The following SPNS2 variants were observed in gnomAD, a reference collection of about 807,000 sequenced individuals.
The protein encoded by SPNS2 is sphingosine-1-phosphate transporter SPNS2.
SPNS2 carries 37 observed loss-of-function variants against 57.6 expected under a neutral mutation model. The ratio of observed to expected loss-of-function variants is 0.64; its 90% confidence interval spans 0.49 to 0.85. SPNS2 has a LOEUF of 0.85. Among genes scored for constraint, SPNS2 ranks in the 40% least tolerant of loss-of-function variants. The pLI, the probability that SPNS2 is intolerant of heterozygous loss-of-function variation, is 0.00. For missense variants in SPNS2, 831 were observed against 779.1 expected (o/e 1.07, Z -0.79); for synonymous variants, 440 against 346.9 (o/e 1.27, Z -2.98).
rs148169311 is a variant in SPNS2, at chr17:4,535,492, C to T, written c.1345-584C>T. On this transcript the variant is annotated intron_variant, in intron 9 of 12. Coordinates refer to ENST00000329078, the MANE Select transcript of SPNS2 (RefSeq NM_001124758.3). The stretch of plus-strand genomic sequence containing the variant: ...GTGCCTCTCTAGACCTCAGTGTCCC[C>T]GTGACCCAGGTCCAAGGGCAGAAGC... 1.1e-4 allele frequency among the ~76,000 whole-genome samples: 16 copies of T among 152,292 alleles called. No homozygotes were observed. In the East Asian group the frequency reaches 1.7e-3, roughly 17 times the overall value.
At chr17:4,515,634 C>T (rs1904965501) in intron 2 of SPNS2, among the ~76,000 whole-genome samples, 2 of 152,278 alleles carry the variant, frequency 1.3e-5, no homozygotes, top group African/African-American at 4.8e-5. Flanking sequence ...TGATGTTACT[C>T]AGTGGACAAC....
intron 2 of SPNS2, among the ~76,000 whole-genome samples, chr17:4,522,318 T>A (rs557392731): frequency 1.3e-4 from 20 of 152,322 alleles, no homozygotes; most frequent in African/African-American, 4.6e-4. Flanking sequence ...GTGGCCTGAC[T>A]GAGGTCACCG....
rs1284067520 is a variant in SPNS2, at chr17:4,511,528, C to G, written c.371-1719C>G. Among the ~76,000 whole-genome samples the G allele has an allele frequency of 6.6e-6, 1 of 152,152 alleles. No homozygotes were observed. On this transcript the variant is annotated intron_variant, in intron 1 of 12. Coordinates refer to ENST00000329078, the MANE Select transcript of SPNS2 (RefSeq NM_001124758.3). This position sits in a 1 kb window ranked among gnomAD's most constrained non-coding sequence, Gnocchi z 4.6. Reference sequence around the variant, plus strand: ...CAGGAGGGGGAACAGAGTCCTGACCCAGAAAGGAATGGGTTGTGGGGCTGT... The same window carrying G: ...CAGGAGGGGGAACAGAGTCCTGACCGAGAAAGGAATGGGTTGTGGGGCTGT...
chr17:4,532,738 A>G (rs528693461), intron 6 of SPNS2, 54 bp downstream of exon 6: 1 of 1,587,178 alleles, frequency 6.3e-7, no homozygotes, highest in Non-Finnish European at 8.6e-7. Flanking sequence ...CTGAGATGAG[A>G]GGGCCTGTCC....
chr17:4,530,591 T>G (rs555095510), intron 3 of SPNS2, 41 bp from the exon 4 acceptor site: 1 of 1,585,924 alleles, frequency 6.3e-7, no homozygotes, highest in Non-Finnish European at 8.6e-7. Flanking sequence ...AGGCAGACGG[T>G]GGGTAGTCGG....
chr17:4,505,931 G>C (rs1904665052), intron 1 of SPNS2, among the ~76,000 whole-genome samples: 1 of 152,224 alleles, frequency 6.6e-6, no homozygotes, highest in South Asian at 2.1e-4. Context: ...TGGGGTTCCT[G>C]AATGGGCTTC....
At chr17:4,516,246 G>A (rs1221178921) in intron 2 of SPNS2, among the ~76,000 whole-genome samples, 4 of 151,064 alleles carry the variant, frequency 2.6e-5, no homozygotes, top group South Asian at 2.1e-4. Context: ...GCCAGGAGGC[G>A]GAGATTGCAG....
Position 4,536,184 on chromosome 17 carries a change from C to T in SPNS2, c.1443+10C>T, listed in dbSNP as rs372707912. 74 of 1,610,658 alleles carry T rather than the reference C, an allele frequency of 4.6e-5. 1 individual carries two copies. The highest frequency in any genetic ancestry group is 1.7e-5 in the Non-Finnish European group (20 of 1,179,088). ...CTACCTCATTGGCTTTGTGAGTAGCCCCGGGGTGGGGCTGGCCAGGGCAGG... is the reference window on the plus strand; with the variant it reads ...CTACCTCATTGGCTTTGTGAGTAGCTCCGGGGTGGGGCTGGCCAGGGCAGG... On this transcript the variant is annotated intron_variant, in intron 10 of 12. Transcript: ENST00000329078.
chr17:4,521,500 C>T (rs1271211434), intron 2 of SPNS2, among the ~76,000 whole-genome samples: 1 of 152,244 alleles, frequency 6.6e-6, no homozygotes, highest in Non-Finnish European at 1.5e-5. Context: ...TGCTATCCAG[C>T]ACCCAGACCC....
intron 2 of SPNS2, among the ~76,000 whole-genome samples, chr17:4,517,058 T>C (rs893582624): frequency 2.6e-5 from 4 of 152,218 alleles, no homozygotes; most frequent in Admixed American, 2.6e-4. Flanking sequence ...GGTTTCTTCG[T>C]TCTAACCGTG....
Position 4,537,462 on chromosome 17 carries a change from G to A in SPNS2, c.*14G>A. The A allele has an allele frequency of 6.6e-6, 3 of 453,878 alleles. No homozygotes were observed. The highest frequency in any genetic ancestry group is 1.3e-5 in the Non-Finnish European group (3 of 224,702). 28.1% of individuals were successfully genotyped at this position (453,878 alleles called of 1,614,324 possible). A position where few individuals can be genotyped will look rare whatever the true frequency, so the allele number is the denominator to read the frequency against. ...ACACCCCTTTCCCCAGGTGCCATTG[G>A]GACAATGAAGAACCCACACTCCCAC... On this transcript the variant is annotated 3_prime_UTR_variant, in exon 13 of 13. Coordinates refer to ENST00000329078, the MANE Select transcript of SPNS2 (RefSeq NM_001124758.3).
intron 3 of SPNS2, among the ~76,000 whole-genome samples, chr17:4,529,047 TG>T (rs1296716962): frequency 4.6e-5 from 7 of 151,956 alleles, no homozygotes; most frequent in African/African-American, 1.7e-4. Context: ...AGCAACTCTC[TG>T]CCTCAGCCTC....
At chr17:4,525,214 TC>T in intron 3 of SPNS2, 21 bp downstream of exon 3, 4 of 1,612,926 alleles carry the variant, frequency 2.5e-6, no homozygotes, top group Non-Finnish European at 3.4e-6. Flanking sequence ...GCTCGGCTTC[TC>T]CCCGACCCCT....
chr17:4,509,849 G>A (rs1904782109), intron 1 of SPNS2, among the ~76,000 whole-genome samples: 1 of 152,256 alleles, frequency 6.6e-6, no homozygotes, highest in Admixed American at 6.5e-5. Context: ...TGTTGGCTGG[G>A]GTCTGCATCT....
chr17:4,499,097 AG>A lies in SPNS2; in HGVS notation c.52del (p.Glu18ArgfsTer47), dbSNP rs1904368439. On this transcript the variant is annotated frameshift_variant, in exon 1 of 13. Transcript: ENST00000329078. LOFTEE classifies it high-confidence loss of function. This position sits in a 1 kb window ranked among gnomAD's most constrained non-coding sequence, Gnocchi z 5.2. ...GCGGCGGCGGGCGGCGCGGAGGAGG[AG>A]GAGGCGGACGCGGAGCGGCGGCGCC... The part of the protein sequence containing the change: ...ASAAAGGAEE[E>X]EADAERRRRR... The A allele has an allele frequency of 9.4e-7, 1 of 1,068,908 alleles. No homozygotes were observed. Among genetic ancestry groups the A allele is most frequent in the Non-Finnish European group, 1.1e-6 (1 of 886,260 alleles). 66.2% of individuals were successfully genotyped at this position (1,068,908 alleles called of 1,614,324 possible).
At chr17:4,535,580 T>G (rs1164493756) in intron 9 of SPNS2, among the ~76,000 whole-genome samples, 2 of 152,276 alleles carry the variant, frequency 1.3e-5, no homozygotes, top group African/African-American at 4.8e-5. Context: ...GCATGGCCGT[T>G]CCTGATGGCT....
At chr17:4,526,070 G>A (rs1905256378) in intron 3 of SPNS2, among the ~76,000 whole-genome samples, 1 of 152,196 alleles carries the variant, frequency 6.6e-6, no homozygotes, top group African/African-American at 2.4e-5. Context: ...CAGGCTTCGG[G>A]GTAGGAAGAT....
In SPNS2 at chr17:4,538,722, C is replaced by A; in HGVS notation, c.*1274C>A. On this transcript the variant is annotated 3_prime_UTR_variant, in exon 13 of 13. Transcript: ENST00000329078. ...TTCTTGCCCCTTAGTTACTGGCTGGCTGTGGCTTCAGTGGTGTGTAAGCAG... is the reference window on the plus strand; with the variant it reads ...TTCTTGCCCCTTAGTTACTGGCTGGATGTGGCTTCAGTGGTGTGTAAGCAG... The A allele has an allele frequency of 1.5e-6, 1 of 649,726 alleles. No individual in the cohort carries two copies. Among genetic ancestry groups the A allele is most frequent in the Non-Finnish European group, 2.7e-6 (1 of 365,316 alleles). The allele number at this position is 649,726 out of a possible 1,614,324, so 40.2% of individuals were successfully genotyped here.
At chr17:4,530,251 G>A (rs1032840820) in intron 3 of SPNS2, among the ~76,000 whole-genome samples, 2 of 152,212 alleles carry the variant, frequency 1.3e-5, no homozygotes, top group African/African-American at 4.8e-5. Flanking sequence ...GGAGGGTGGT[G>A]GCTTGAGGCT....
Sources: allele counts gnomAD v4.1 joint callset (sites outside exome capture counted in the v4.1 genomes callset), GRCh38; gene constraint gnomAD v4.1.1; non-coding constraint Gnocchi (gnomAD v3.1); transcripts MANE v1.5; gene names NCBI Gene and HGNC (gene_info 2026-07-23, HGNC 2026-07-21).